The following GMDS variants were observed in gnomAD, a reference collection of about 807,000 sequenced individuals.
GMDS encodes the protein GDP-mannose 4,6 dehydratase.
In GMDS, 20 loss-of-function variants were observed where a neutral mutation model predicts 49.9. The ratio of observed to expected loss-of-function variants is 0.40; its 90% confidence interval spans 0.28 to 0.58. The LOEUF is 0.58. Ranked by LOEUF, GMDS falls within the 20% of genes least tolerant of loss-of-function variation. The probability of loss-of-function intolerance (pLI) is 0.42; values close to 1 mark genes in which losing one functional copy is unlikely to be tolerated. For synonymous variants in GMDS, 177 were observed against 178.6 expected, an observed-to-expected ratio of 0.99 and a Z score of 0.07; for missense variants, 362 against 481.4, an observed-to-expected ratio of 0.75 and a Z score of 2.32.
intron 2 of GMDS, among the ~76,000 whole-genome samples, chr6:2,119,221 A>T (rs988803691): frequency 2.0e-5 from 3 of 152,194 alleles, no homozygotes; most frequent in Non-Finnish European, 4.4e-5. Context: ...GAGACATGCC[A>T]TTTATTAATA....
intron 9 of GMDS, among the ~76,000 whole-genome samples, chr6:1,645,136 A>G (rs1763447760): frequency 6.6e-6 from 1 of 151,962 alleles, no homozygotes; most frequent in South Asian, 2.1e-4. Context: ...GCGTTTCACC[A>G]TGCTGGTCAG....
intron 9 of GMDS, among the ~76,000 whole-genome samples, chr6:1,721,779 T>C (rs1766393879): frequency 6.6e-6 from 1 of 152,158 alleles, no homozygotes; most frequent in African/African-American, 2.4e-5. Context: ...GAAGACGACA[T>C]ATTTGTGGTT....
intron 7 of GMDS, among the ~76,000 whole-genome samples, chr6:1,912,380 A>T (rs981317829): frequency 1.3e-5 from 2 of 152,220 alleles, no homozygotes; most frequent in Admixed American, 6.5e-5. Flanking sequence ...AAATTTTTTA[A>T]AAAGTGATCT....
chr6:1,812,883 T>A (rs982904923), intron 7 of GMDS, among the ~76,000 whole-genome samples: 1 of 152,230 alleles, frequency 6.6e-6, no homozygotes, highest in African/African-American at 2.4e-5. Flanking sequence ...TTTTTGTTAG[T>A]GCTTTTATTG....
At chr6:1,764,437 G>A (rs1028405314) in intron 7 of GMDS, among the ~76,000 whole-genome samples, 2 of 152,132 alleles carry the variant, frequency 1.3e-5, no homozygotes, top group Non-Finnish European at 2.9e-5. Flanking sequence ...GTCCTAAAAC[G>A]CTGGGCCCTG....
chr6:1,877,620 A>C (rs1380140843), intron 7 of GMDS, among the ~76,000 whole-genome samples: 2 of 148,178 alleles, frequency 1.3e-5, no homozygotes, highest in Non-Finnish European at 3.0e-5. Context: ...CCTGGATGAC[A>C]GAGTGAGACC....
intron 4 of GMDS, among the ~76,000 whole-genome samples, chr6:2,113,755 G>A (rs1302728069): frequency 6.6e-6 from 1 of 151,932 alleles, no homozygotes; most frequent in East Asian, 1.9e-4. Context: ...CCACAGCAGA[G>A]GTGTATCTGA....
intron 4 of GMDS, among the ~76,000 whole-genome samples, chr6:2,070,656 C>T (rs947872445): frequency 2.6e-5 from 4 of 152,070 alleles, no homozygotes; most frequent in Admixed American, 2.0e-4. Context: ...AAAGATGGCT[C>T]TAAATACTCC....
intron 4 of GMDS, among the ~76,000 whole-genome samples, chr6:1,968,251 A>G (rs577077805): frequency 5.9e-5 from 9 of 152,294 alleles, no homozygotes; most frequent in African/African-American, 2.2e-4. Flanking sequence ...ACAAACTATC[A>G]CTTATATTAG....
intron 8 of GMDS, among the ~76,000 whole-genome samples, chr6:1,733,839 G>A (rs1766913716): frequency 8.7e-6 from 1 of 115,542 alleles, no homozygotes; most frequent in Non-Finnish European, 1.8e-5. Flanking sequence ...GCGACAGAGT[G>A]AGACTCTTGT....
intron 4 of GMDS, among the ~76,000 whole-genome samples, chr6:2,008,701 G>T (rs956520446): frequency 5.9e-5 from 9 of 152,170 alleles, no homozygotes; most frequent in African/African-American, 1.9e-4. Context: ...GACTCATTTA[G>T]AAAAATATTT....
intron 4 of GMDS, among the ~76,000 whole-genome samples, chr6:1,977,607 T>C (rs528334168): frequency 1.4e-4 from 21 of 152,022 alleles, no homozygotes; most frequent in Non-Finnish European, 2.8e-4. Context: ...ACTCAACCCA[T>C]GGAGAATGAA....
At chr6:2,194,661 T>C (rs1779206195) in intron 1 of GMDS, among the ~76,000 whole-genome samples, 1 of 152,238 alleles carries the variant, frequency 6.6e-6, no homozygotes, top group African/African-American at 2.4e-5. Flanking sequence ...CGCACACACT[T>C]TTTGGTTATT....
At chr6:1,654,499 TA>T (rs1581416464) in intron 9 of GMDS, among the ~76,000 whole-genome samples, 2 of 152,306 alleles carry the variant, frequency 1.3e-5, no homozygotes, top group East Asian at 3.9e-4. Context: ...GTAAGTGAAA[TA>T]AGCCCATTAT....
At chr6:1,659,582 T>G (rs1162587378) in intron 9 of GMDS, among the ~76,000 whole-genome samples, 1 of 152,160 alleles carries the variant, frequency 6.6e-6, no homozygotes, top group Non-Finnish European at 1.5e-5. Flanking sequence ...GGTTGGCAGC[T>G]GGGTGATAGC....
At chr6:1,765,571 G>A (rs1768317872) in intron 7 of GMDS, among the ~76,000 whole-genome samples, 1 of 152,140 alleles carries the variant, frequency 6.6e-6, no homozygotes, top group Non-Finnish European at 1.5e-5. Context: ...TCATTTCATT[G>A]TCTAATTTTA....
intron 1 of GMDS, among the ~76,000 whole-genome samples, chr6:2,199,318 A>G (rs535860180): frequency 2.0e-4 from 30 of 152,348 alleles, no homozygotes; most frequent in Admixed American, 1.7e-3. Context: ...CTTAACAGGA[A>G]CCCAAAATAA....
chr6:1,875,304 C>CT (rs1284258250), intron 7 of GMDS, among the ~76,000 whole-genome samples: 3 of 140,168 alleles, frequency 2.1e-5, no homozygotes, highest in Non-Finnish European at 4.5e-5. Context: ...ATATTGAAGT[C>CT]TTTTTTTGTA....
At chr6:2,140,721 A>C (rs540350074) in intron 1 of GMDS, among the ~76,000 whole-genome samples, 1 of 152,214 alleles carries the variant, frequency 6.6e-6, no homozygotes, top group East Asian at 1.9e-4. Context: ...CAATTTAATC[A>C]AGTAAGTCTG....
Sources: gnomAD v4.1 joint callset for allele counts (sites outside exome capture counted in the v4.1 genomes callset) on GRCh38, gnomAD v4.1.1 for gene constraint, MANE v1.5 for transcripts, NCBI Gene and HGNC (gene_info 2026-07-23, HGNC 2026-07-21) for gene names.